Variants in KIF21A observed in about 807,000 individuals in gnomAD.
KIF21A encodes the protein kinesin family member 21A, also known as kinesin-like protein KIF21A.
In KIF21A, 114 loss-of-function variants were observed where a neutral mutation model predicts 202.9. That is an observed-to-expected ratio of 0.56 (90% CI 0.48 to 0.66). The LOEUF is 0.66. Among genes scored for constraint, KIF21A ranks in the 30% least tolerant of loss-of-function variants. The pLI is 0.00. For missense variants in KIF21A, 1,677 were observed against 1,994.9 expected, an observed-to-expected ratio of 0.84 and a Z score of 3.04; for synonymous variants, 667 against 670.8, an observed-to-expected ratio of 0.99 and a Z score of 0.09.
Position 39,294,297 on chromosome 12 carries a change from G to T in KIF21A, c.*127C>A. ...AGAATACCATTTATAGTCAGCAGTTGAATTCAGATATATTTTCCAGTTAAT... is the reference window on the plus strand; with the variant it reads ...AGAATACCATTTATAGTCAGCAGTTTAATTCAGATATATTTTCCAGTTAAT... On this transcript the variant is annotated 3_prime_UTR_variant, in exon 38 of 38. Coordinates refer to ENST00000361418, the MANE Select transcript of KIF21A (RefSeq NM_001173464.2). 2 of 716,394 alleles carry T rather than the reference G, an allele frequency of 2.8e-6. No homozygotes were observed. The highest frequency in any genetic ancestry group is 5.5e-5 in the East Asian group (2 of 36,494). 44.4% of individuals were successfully genotyped at this position (716,394 alleles called of 1,614,324 possible). A position where few individuals can be genotyped will look rare whatever the true frequency, so the allele number is the denominator to read the frequency against.
In KIF21A at chr12:39,333,249, CT is replaced by C. The variant is rs1381672909; in HGVS notation, c.2449del (p.Arg817GlufsTer21). The C allele has an allele frequency of 6.2e-7, 1 of 1,613,078 alleles. No individual in the cohort carries two copies. Among genetic ancestry groups the C allele is most frequent in the Admixed American group, 1.7e-5 (1 of 60,008 alleles). On this transcript the variant is annotated frameshift_variant, in exon 18 of 38. Coordinates refer to ENST00000361418, the MANE Select transcript of KIF21A (RefSeq NM_001173464.2). LOFTEE classifies it high-confidence loss of function. ...GCGACGTAGAACCACTTCTTGGTTT[CT>C]TTTTTGGGCTTCCAGAAGTCTAAGT... Reference protein sequence around the residue: ...HQLRLLEAQKRNQEVVLRRKT... With the variant: ...HQLRLLEAQKXNQEVVLRRKT...
At chr12:39,366,225 G>A (rs1949593607) in intron 6 of KIF21A, 125 bp downstream of exon 6, 1 of 818,228 alleles carries the variant, frequency 1.2e-6, no homozygotes, top group South Asian at 1.6e-5. Context: ...ACTAATAACT[G>A]TTCTATAATT....
At chr12:39,354,153 T>C (rs375157889) in intron 10 of KIF21A, among the ~76,000 whole-genome samples, 1 of 152,112 alleles carries the variant, frequency 6.6e-6, no homozygotes, top group South Asian at 2.1e-4. Flanking sequence ...ACATGATATT[T>C]AAAAAATAGT....
At chr12:39,356,383 G>T (rs1948776267) in intron 10 of KIF21A, among the ~76,000 whole-genome samples, 1 of 152,176 alleles carries the variant, frequency 6.6e-6, no homozygotes, top group Non-Finnish European at 1.5e-5. Flanking sequence ...CCACAGAGGG[G>T]CAGGCAAATT....
chr12:39,401,590 C>CAAAA (rs1952176955), intron 1 of KIF21A, among the ~76,000 whole-genome samples: 1 of 152,100 alleles, frequency 6.6e-6, no homozygotes, highest in Non-Finnish European at 1.5e-5. Flanking sequence ...CTTACTGAGG[C>CAAAA]AAAATCACAG....
At chr12:39,436,445 TATA>T (rs1215513843) in intron 1 of KIF21A, among the ~76,000 whole-genome samples, 3 of 116,492 alleles carry the variant, frequency 2.6e-5, no homozygotes, top group African/African-American at 4.4e-5. Context: ...TATATATATA[TATA>T]TTTTTTTTTT....
chr12:39,415,514 C>T (rs542767664), intron 1 of KIF21A, among the ~76,000 whole-genome samples: 6 of 152,224 alleles, frequency 3.9e-5, no homozygotes, highest in African/African-American at 1.4e-4. Flanking sequence ...GCCTCGGCCT[C>T]CCAAAGTGCT....
chr12:39,331,771 A>G lies in KIF21A; in HGVS notation c.3072T>C (p.Asp1024=), dbSNP rs113796726. Residue 1024 remains aspartate (D), a synonymous_variant, in exon 22 of 38, where the codon GAT becomes GAC. Coordinates refer to ENST00000361418, the MANE Select transcript of KIF21A (RefSeq NM_001173464.2). ...EEAKEEGETL[D]VTAVINACTL... ...TGCAGGCATTAATGACTGCAGTAAC[A>G]TCCAATGTCTCACCTTCTTCCTGTA... 2 of 1,612,530 alleles carry G rather than the reference A, an allele frequency of 1.2e-6. No individual in the cohort carries two copies. Among genetic ancestry groups the G allele is most frequent in the African/African-American group, 1.3e-5 (1 of 75,024 alleles).
rs1947461390 is a variant in KIF21A, at chr12:39,341,741, G to C, written c.1804-119C>G. Reference sequence around the variant, plus strand: ...ACATAAAAAAATTCACTTGTCATCAGTATAAAAATGTTAAGGTTATTACAG... The same window carrying C: ...ACATAAAAAAATTCACTTGTCATCACTATAAAAATGTTAAGGTTATTACAG... On this transcript the variant is annotated intron_variant, in intron 13 of 37. Coordinates refer to ENST00000361418, the MANE Select transcript of KIF21A (RefSeq NM_001173464.2). The C allele has an allele frequency of 5.5e-6, 6 of 1,090,810 alleles. No individual in the cohort carries two copies. The African/African-American group carries it at 6.3e-5, about 11-fold the overall frequency. 67.6% of individuals were successfully genotyped at this position (1,090,810 alleles called of 1,614,324 possible).
rs370591317 is a variant in KIF21A at position 39,368,760 on chromosome 12, T to C, written c.451-728A>G. On this transcript the variant is annotated intron_variant, in intron 3 of 37. Coordinates refer to ENST00000361418, the MANE Select transcript of KIF21A (RefSeq NM_001173464.2). ...AGTAAAAAAAAAAAACTGATACTAA[T>C]TTTTCTATGTTGTGCTACATAAGGC... is the stretch of plus-strand genomic sequence containing the variant. 8.0e-4 allele frequency among the ~76,000 whole-genome samples: 122 copies of C among 152,132 alleles called. No homozygotes were observed. The South Asian group carries it at 0.02, about 25-fold the overall frequency.
chr12:39,325,880 C>A lies in KIF21A; in HGVS notation c.3415G>T (p.Asp1139Tyr). The change falls in exon 26 of 38, where the codon GAT becomes TAT. Residue 1139 changes from aspartate (D) to tyrosine (Y), a missense_variant. Around this residue, in one of 3 missense-constraint regions of KIF21A, gnomAD observed 705 missense variants for 791.9 expected, o/e 0.89. Transcript: ENST00000361418. The stretch of plus-strand genomic sequence containing the variant: ...ACTTCACCACAAAGCTTCATGAGAT[C>A]TGAAGACAGCGTGCTATGTGCAAAT... ...PGSEGSTLSSDLMKLCGEVKP... is the reference protein window; with the variant it reads ...PGSEGSTLSSYLMKLCGEVKP... The A allele has an allele frequency of 1.2e-6, 2 of 1,611,814 alleles. No individual in the cohort carries two copies. The highest frequency in any genetic ancestry group is 1.7e-6 in the Non-Finnish European group (2 of 1,178,382).
chr12:39,390,125 G>C (rs1011505820), intron 1 of KIF21A, among the ~76,000 whole-genome samples: 1 of 152,102 alleles, frequency 6.6e-6, no homozygotes, highest in African/African-American at 2.4e-5. Context: ...ATAGCACTAT[G>C]CTTCCCATCT....
intron 1 of KIF21A, among the ~76,000 whole-genome samples, chr12:39,433,075 T>C (rs1171625960): frequency 2.6e-5 from 4 of 152,210 alleles, no homozygotes; most frequent in Non-Finnish European, 5.9e-5. Context: ...ATTAGGGAAT[T>C]ATGATTGATT....
chr12:39,432,551 C>T (rs996790279), intron 1 of KIF21A, among the ~76,000 whole-genome samples: 14 of 151,672 alleles, frequency 9.2e-5, no homozygotes, highest in Admixed American at 3.9e-4. Context: ...TGAAATAAAG[C>T]AGATGGTGTA....
intron 1 of KIF21A, among the ~76,000 whole-genome samples, chr12:39,377,258 G>A (rs1048003284): frequency 1.3e-5 from 2 of 152,028 alleles, no homozygotes; most frequent in African/African-American, 2.4e-5. Context: ...TATCTCATTT[G>A]TTGGTGTTTT....
intron 1 of KIF21A, among the ~76,000 whole-genome samples, chr12:39,380,183 G>A (rs1950526176): frequency 2.0e-5 from 3 of 152,288 alleles, no homozygotes; most frequent in Admixed American, 6.5e-5. Flanking sequence ...GCCCAGGCTG[G>A]TCTTGAACTC....
intron 37 of KIF21A, among the ~76,000 whole-genome samples, chr12:39,300,171 T>C (rs144319703): frequency 1.3e-5 from 2 of 152,160 alleles, no homozygotes; most frequent in East Asian, 1.9e-4. Flanking sequence ...GGTAAGTAAG[T>C]ACAATTACAT....
chr12:39,340,196 T>C lies in KIF21A; in HGVS notation c.2279A>G (p.Gln760Arg). The C allele has an allele frequency of 1.9e-6, 3 of 1,612,890 alleles. No homozygotes were observed. Among genetic ancestry groups the C allele is most frequent in the Non-Finnish European group, 2.5e-6 (3 of 1,179,458 alleles). Residue 760 changes from glutamine (Q) to arginine (R), a missense_variant, in exon 16 of 38, where the codon CAG (glutamine) becomes CGG (arginine). This residue lies in a region of KIF21A where 966 missense variants were observed against 1,180.9 expected (regional missense o/e 0.82). Coordinates refer to ENST00000361418, the MANE Select transcript of KIF21A (RefSeq NM_001173464.2). ...TTTTTTCATTTCCATCACATCCTGC[T>C]GCAATTTCTTCAATTGCTTTTCATA... is the stretch of plus-strand genomic sequence containing the variant. ...SQYEKQLKKLQQDVMEMKKTK... is the reference protein window; with the variant it reads ...SQYEKQLKKLRQDVMEMKKTK...
intron 16 of KIF21A, among the ~76,000 whole-genome samples, chr12:39,338,771 G>C (rs934468606): frequency 1.3e-5 from 2 of 152,192 alleles, no homozygotes; most frequent in Admixed American, 6.5e-5. Context: ...ATAGCATCAT[G>C]TCTAAAAAAA....
Sources: allele counts gnomAD v4.1 joint callset (sites outside exome capture counted in the v4.1 genomes callset), GRCh38; gene constraint gnomAD v4.1.1; regional missense constraint gnomAD v4.1.1; transcripts MANE v1.5; gene names NCBI Gene and HGNC (gene_info 2026-07-23, HGNC 2026-07-21).